Variants in TDRD3 observed in about 807,000 individuals in gnomAD.
TDRD3 encodes tudor domain-containing protein 3.
Under a neutral mutation model 86.7 loss-of-function variants are expected in TDRD3, and 45 were observed. That is an observed-to-expected ratio of 0.52 (90% CI 0.41 to 0.67). The LOEUF is 0.67. Ranked by LOEUF, TDRD3 falls within the 30% of genes least tolerant of loss-of-function variation. The probability of loss-of-function intolerance (pLI) is 0.00; values close to 1 mark genes in which losing one functional copy is unlikely to be tolerated. For synonymous variants in TDRD3, 298 were observed against 301.7 expected (o/e 0.99, Z 0.13); for missense variants, 814 against 889.0 (o/e 0.92, Z 1.07).
intron 7 of TDRD3, among the ~76,000 whole-genome samples, chr13:60,486,719 C>G (rs1001073783): frequency 7.9e-5 from 12 of 152,180 alleles, no homozygotes; most frequent in African/African-American, 2.9e-4. Context: ...TTCCTCCTAA[C>G]TGTAATTTAA....
At chr13:60,463,171 C>A (rs529385302) in intron 4 of TDRD3, among the ~76,000 whole-genome samples, 8 of 151,960 alleles carry the variant, frequency 5.3e-5, no homozygotes, top group African/African-American at 1.7e-4. Flanking sequence ...TCAAGGCGGG[C>A]GGATCACCTG....
At chr13:60,502,168 C>A (rs1017793309) in intron 8 of TDRD3, among the ~76,000 whole-genome samples, 6 of 152,160 alleles carry the variant, frequency 3.9e-5, no homozygotes, top group African/African-American at 1.4e-4. Flanking sequence ...GTTATGGGCA[C>A]CCTACTCACT....
intron 10 of TDRD3, among the ~76,000 whole-genome samples, chr13:60,519,874 A>G (rs1477087720): frequency 6.6e-6 from 1 of 151,942 alleles, no homozygotes; most frequent in Non-Finnish European, 1.5e-5. Flanking sequence ...TCTTTTTTGT[A>G]TTTGTAAGGA....
intron 5 of TDRD3, 69 bp downstream of exon 5, chr13:60,467,448 C>T (rs1955972235): frequency 1.3e-6 from 2 of 1,531,916 alleles, no homozygotes; most frequent in Non-Finnish European, 1.8e-6. Flanking sequence ...AGAGCTCTTT[C>T]AATAATGAGT....
At chr13:60,486,967 AT>A (rs575956072) in intron 7 of TDRD3, among the ~76,000 whole-genome samples, 18 of 152,092 alleles carry the variant, frequency 1.2e-4, no homozygotes, top group African/African-American at 3.9e-4. Context: ...ATAATCCATT[AT>A]GTGTAGACAG....
intron 1 of TDRD3, among the ~76,000 whole-genome samples, chr13:60,415,865 A>G (rs1349614745): frequency 2.0e-5 from 3 of 152,104 alleles, no homozygotes; most frequent in African/African-American, 7.2e-5. Flanking sequence ...AGCAAAGACA[A>G]TTTACGGAAA....
intron 12 of TDRD3, 89 bp from the exon 13 acceptor site, chr13:60,567,436 T>G (rs1426602216): frequency 2.6e-6 from 4 of 1,552,782 alleles, no homozygotes; most frequent in South Asian, 1.1e-5. Flanking sequence ...TTAAGAGAGA[T>G]ATTATTAAAA....
rs932060469 is a variant in TDRD3, at chr13:60,460,234, A to G, written c.193-146A>G. 1.5e-5 allele frequency: 10 copies of G among 687,760 alleles called. No individual in the cohort carries two copies. The South Asian group carries it at 3.3e-4, about 23-fold the overall frequency. 42.6% of individuals were successfully genotyped at this position (687,760 alleles called of 1,614,324 possible). On this transcript the variant is annotated intron_variant, in intron 3 of 13. Transcript: ENST00000377881. ...AAACAAAGAAAAAACTTGATAATAT[A>G]TAATTTCAGTTTCAATCTTAATTGA...
upstream of TDRD3, among the ~76,000 whole-genome samples, chr13:60,396,068 C>T (rs952759039): frequency 2.6e-5 from 4 of 152,192 alleles, no homozygotes; most frequent in Non-Finnish European, 5.9e-5. Flanking sequence ...CAATTATCCC[C>T]TTCCTTCCGT....
intron 5 of TDRD3, 30 bp from the exon 6 acceptor site, chr13:60,483,745 T>C (rs748872329): frequency 1.6e-5 from 26 of 1,588,122 alleles, no homozygotes; most frequent in Non-Finnish European, 2.2e-5. Context: ...TATGTATAAC[T>C]GCTCTTTTGT....
intron 11 of TDRD3, among the ~76,000 whole-genome samples, chr13:60,530,778 C>T (rs1267349057): frequency 6.6e-6 from 1 of 151,960 alleles, no homozygotes; most frequent in Non-Finnish European, 1.5e-5. Context: ...TTATAGGTTG[C>T]AGTTGATACA....
chr13:60,527,589 A>G (rs899644632), intron 10 of TDRD3, among the ~76,000 whole-genome samples: 16 of 152,356 alleles, frequency 1.1e-4, no homozygotes, highest in African/African-American at 3.4e-4. Context: ...ATGACATGGT[A>G]CAAATTGAAA....
chr13:60,552,718 G>C (rs901193910), intron 12 of TDRD3, among the ~76,000 whole-genome samples: 1 of 152,184 alleles, frequency 6.6e-6, no homozygotes, highest in Non-Finnish European at 1.5e-5. Flanking sequence ...AGGCTTTCCC[G>C]TACATCCTCT....
chr13:60,442,326 C>T (rs1426258540), intron 2 of TDRD3, among the ~76,000 whole-genome samples: 4 of 151,650 alleles, frequency 2.6e-5, no homozygotes, highest in African/African-American at 4.8e-5. Flanking sequence ...AAATGATTCA[C>T]CAAGTAGATA....
intron 1 of TDRD3, among the ~76,000 whole-genome samples, chr13:60,433,274 C>A (rs1158771630): frequency 6.6e-6 from 1 of 152,170 alleles, no homozygotes; most frequent in Non-Finnish European, 1.5e-5. Context: ...GGCTCACTTT[C>A]TGGCCAATTA....
intron 1 of TDRD3, among the ~76,000 whole-genome samples, chr13:60,402,658 T>G (rs1954131279): frequency 6.6e-6 from 1 of 151,990 alleles, no homozygotes; most frequent in Non-Finnish European, 1.5e-5. Context: ...AACACTTTTT[T>G]AGATGCTGAA....
intron 10 of TDRD3, 121 bp downstream of exon 10, chr13:60,510,876 A>G: frequency 1.0e-6 from 1 of 968,012 alleles, no homozygotes; most frequent in Non-Finnish European, 1.4e-6. Flanking sequence ...AAACAACTAT[A>G]ATATGAACGT....
At chr13:60,435,465 A>G (rs1955066144) in intron 1 of TDRD3, among the ~76,000 whole-genome samples, 1 of 152,054 alleles carries the variant, frequency 6.6e-6, no homozygotes, top group African/African-American at 2.4e-5. Context: ...ATATCACTCT[A>G]TATGTATTTG....
Position 60,524,052 on chromosome 13 carries a change from T to G in TDRD3, c.1142-4315T>G, listed in dbSNP as rs529551709. Among the ~76,000 whole-genome samples the G allele has an allele frequency of 2.1e-3, 321 of 152,246 alleles. 3 individuals carry two copies. The highest frequency in any genetic ancestry group is 7.3e-3 in the African/African-American group (304 of 41,538). ...GTACAGAAAAATATCTTAGTATATT[T>G]ATTAGAGTGATGGCAGACCTGACCT... On this transcript the variant is annotated intron_variant, in intron 10 of 13. Transcript: ENST00000377881.
Sources: gnomAD v4.1 joint callset for allele counts (sites outside exome capture counted in the v4.1 genomes callset) on GRCh38, gnomAD v4.1.1 for gene constraint, MANE v1.5 for transcripts, NCBI Gene and HGNC (gene_info 2026-07-23, HGNC 2026-07-21) for gene names.